N4BP1: variants seen among roughly 807,000 people sequenced by gnomAD.
The protein encoded by N4BP1 is NEDD4-binding protein 1.
A neutral mutation model predicts 70.9 loss-of-function variants in N4BP1; 21 were observed. That is an observed-to-expected ratio of 0.30 (90% CI 0.21 to 0.43). The LOEUF (loss-of-function observed/expected upper bound fraction) is 0.43. N4BP1 is among the 20% of genes least tolerant of loss of function. The pLI, the probability that N4BP1 is intolerant of heterozygous loss-of-function variation, is 1.00. For missense variants in N4BP1, 936 were observed against 1,069.4 expected (o/e 0.88, Z 1.74); for synonymous variants, 387 against 394.6 (o/e 0.98, Z 0.23).
At chr16:48,587,174 C>T (rs978473444) in intron 1 of N4BP1, 3 of 152,242 alleles carry the variant, frequency 2.0e-5, no homozygotes, top group Non-Finnish European at 1.5e-5. Context: ...GATGACAGTC[C>T]GAGAGTCTTG....
intron 1 of N4BP1, chr16:48,600,243 G>T (rs1218346329): frequency 6.9e-6 from 6 of 866,940 alleles, no homozygotes; most frequent in South Asian, 1.3e-5. Context: ...CGACTGAAAG[G>T]TGTTCAGATT....
At chr16:48,605,334 AAAG>A (rs1364677714) in intron 1 of N4BP1, among the ~76,000 whole-genome samples, 4 of 152,238 alleles carry the variant, frequency 2.6e-5, no homozygotes, top group African/African-American at 7.2e-5. Flanking sequence ...GCCCGGCCTA[AAAG>A]AAGAATTCTA....
intron 2 of N4BP1, among the ~76,000 whole-genome samples, chr16:48,558,945 C>T (rs1963801462): frequency 6.6e-6 from 1 of 152,156 alleles, no homozygotes; most frequent in Admixed American, 6.5e-5. Context: ...ATGACATTTT[C>T]TTTTTGACAG....
At chr16:48,576,123 G>GT (rs1017058976) in intron 1 of N4BP1, among the ~76,000 whole-genome samples, 3 of 151,512 alleles carry the variant, frequency 2.0e-5, no homozygotes, top group African/African-American at 7.3e-5. Context: ...AGACATTAAC[G>GT]TGAGTCCTAC....
At chr16:48,574,748 C>G (rs545518954) in intron 1 of N4BP1, among the ~76,000 whole-genome samples, 57 of 152,290 alleles carry the variant, frequency 3.7e-4, no homozygotes, top group African/African-American at 1.3e-3. Flanking sequence ...ATTGATTTCT[C>G]ATAGCATATA....
At position 48,560,845 on chromosome 16, in the gene N4BP1, G is replaced by C; in HGVS notation, c.1798C>G (p.Leu600Val). 1.2e-6 allele frequency: 2 copies of C among 1,613,886 alleles called. No individual in the cohort carries two copies. Among genetic ancestry groups the C allele is most frequent in the Non-Finnish European group, 1.7e-6 (2 of 1,179,856 alleles). ...VTGVQRFRDT[L>V]KIPYKLELKN... ...AATTCCAGCTTGTAGGGTATTTTTA[G>C]AGTATCTCGAAACCTTTGAACCCCA... is the stretch of plus-strand genomic sequence containing the variant. Residue 600 changes from leucine (L) to valine (V), a missense_variant, in exon 2 of 7, where the codon CTA becomes GTA. Transcript: ENST00000262384.
intron 1 of N4BP1, chr16:48,600,449 T>C: frequency 1.6e-6 from 1 of 638,520 alleles, no homozygotes; most frequent in Non-Finnish European, 2.9e-6. Flanking sequence ...TGAAGACAGT[T>C]GAAGAGATCA....
chr16:48,578,501 C>T (rs1190473882), intron 1 of N4BP1: 2 of 152,286 alleles, frequency 1.3e-5, no homozygotes, highest in African/African-American at 4.8e-5. Context: ...TCACAGCTCT[C>T]TTCCACTCCA....
intron 3 of N4BP1, among the ~76,000 whole-genome samples, chr16:48,553,165 T>A (rs577913112): frequency 3.7e-4 from 57 of 152,184 alleles, no homozygotes; most frequent in Non-Finnish European, 7.8e-4. Flanking sequence ...AAGCCTTAAA[T>A]AGACTGTTAA....
At chr16:48,555,988 G>T (rs986536688) in intron 2 of N4BP1, among the ~76,000 whole-genome samples, 2 of 152,142 alleles carry the variant, frequency 1.3e-5, no homozygotes, top group African/African-American at 4.8e-5. Flanking sequence ...GATAGAGGAG[G>T]AGTACCCAGT....
chr16:48,563,489 G>A (rs1410496830), intron 1 of N4BP1, among the ~76,000 whole-genome samples: 5 of 151,632 alleles, frequency 3.3e-5, no homozygotes, highest in Non-Finnish European at 5.9e-5. Context: ...AGGTTCAAGC[G>A]ACTCTTCTGC....
At chr16:48,599,736 T>C (rs995890038) in intron 1 of N4BP1, among the ~76,000 whole-genome samples, 1 of 152,214 alleles carries the variant, frequency 6.6e-6, no homozygotes, top group African/African-American at 2.4e-5. Context: ...GCTTTACTAC[T>C]AGTGGTCACA....
intron 1 of N4BP1, among the ~76,000 whole-genome samples, chr16:48,602,202 C>A (rs538544046): frequency 2.6e-5 from 4 of 151,996 alleles, no homozygotes; most frequent in Admixed American, 6.5e-5. Context: ...CCAGCCTGGG[C>A]GACACAGTGA....
rs764605604 is a variant in N4BP1, at chr16:48,543,068, G to A, written c.2527C>T (p.Leu843=). 3.7e-6 allele frequency: 6 copies of A among 1,614,012 alleles called. No individual in the cohort carries two copies. The highest frequency in any genetic ancestry group is 5.1e-6 in the Non-Finnish European group (6 of 1,179,876). ...GAAGATCTCTGAGCTGGCATGGGCAGGTTCTGCTGGAGACTGGGGAGGGCT... is the reference window on the plus strand; with the variant it reads ...GAAGATCTCTGAGCTGGCATGGGCAAGTTCTGCTGGAGACTGGGGAGGGCT... ...LPALPSLQQN[L]PMPAQRSSAE... The change falls in exon 7 of 7, where the codon CTG becomes TTG. Residue 843 remains leucine, a synonymous_variant. Transcript: ENST00000262384.
intron 2 of N4BP1, among the ~76,000 whole-genome samples, chr16:48,559,099 G>A (rs550347510): frequency 7.9e-5 from 12 of 152,276 alleles, no homozygotes; most frequent in African/African-American, 2.6e-4. Context: ...GTAAGGGCTA[G>A]GATGAAACAA....
intron 4 of N4BP1, 73 bp from the exon 5 acceptor site, chr16:48,548,187 G>T: frequency 1.2e-6 from 1 of 854,790 alleles, no homozygotes; most frequent in South Asian, 1.5e-5. Context: ...TATAAGAAGA[G>T]AATATTTCCT....
intron 4 of N4BP1, among the ~76,000 whole-genome samples, chr16:48,550,351 A>G (rs1963648604): frequency 6.6e-6 from 1 of 151,794 alleles, no homozygotes. Context: ...TATCTCTACT[A>G]AAAATACAAA....
chr16:48,583,143 T>C (rs1317993361), intron 1 of N4BP1, among the ~76,000 whole-genome samples: 3 of 152,186 alleles, frequency 2.0e-5, no homozygotes, highest in Non-Finnish European at 4.4e-5. Context: ...TAGTCATCCC[T>C]TGGTGTCCGC....
At chr16:48,604,662 C>T (rs1964551769) in intron 1 of N4BP1, among the ~76,000 whole-genome samples, 1 of 150,802 alleles carries the variant, frequency 6.6e-6, no homozygotes, top group Non-Finnish European at 1.5e-5. Flanking sequence ...CTCAGGTCCA[C>T]TGACATGTTT....
Sources: allele counts gnomAD v4.1 joint callset (sites outside exome capture counted in the v4.1 genomes callset), GRCh38; gene constraint gnomAD v4.1.1; transcripts MANE v1.5; gene names NCBI Gene and HGNC (gene_info 2026-07-23, HGNC 2026-07-21).